The following FANCA variants were observed in gnomAD, a reference collection of about 807,000 sequenced individuals.
FANCA encodes FA complementation group A, also known as Fanconi anemia group A protein.
A neutral mutation model predicts 194.3 loss-of-function variants in FANCA; 236 were observed. The ratio of observed to expected loss-of-function variants is 1.21; its 90% CI spans 1.09 to 1.35. The LOEUF (loss-of-function observed/expected upper bound fraction) is 1.35, where lower values mean the gene tolerates loss of function less well. Ranked by LOEUF, FANCA falls within the 40% of genes most tolerant of loss-of-function variation. FANCA has a pLI of 0.00. For synonymous variants in FANCA, 1,014 were observed against 715.8 expected (o/e 1.42, Z -6.65); for missense variants, 2,628 against 1,813.9 (o/e 1.45, Z -8.15).
At position 89,754,217 on chromosome 16, in the gene FANCA, G is replaced by A. The variant is rs544388790; in HGVS notation, c.2982-1995C>T. On this transcript the variant is annotated intron_variant, in intron 30 of 42. Transcript: ENST00000389301. ...AGCCTGGGTGACAGAGCGAGACTCC[G>A]TCTCAGAAAAAAAAAAACAAAACAA... Among the ~76,000 whole-genome samples the A allele has an allele frequency of 1.4e-3, 205 of 143,780 alleles. 1 individual carries two copies. The highest frequency in any genetic ancestry group is 2.3e-3 in the Non-Finnish European group (157 of 66,996). 94.3% of individuals were successfully genotyped at this position (143,780 alleles called of 152,430 possible). A position where few individuals can be genotyped will look rare whatever the true frequency, so the allele number is the denominator to read the frequency against.
intron 37 of FANCA, among the ~76,000 whole-genome samples, chr16:89,742,477 A>T (rs1358984490): frequency 1.3e-5 from 2 of 152,044 alleles, no homozygotes; most frequent in African/African-American, 4.8e-5. Context: ...TAAAAAACTG[A>T]AATTATTATT....
At chr16:89,801,746 G>C (rs1233249179) in intron 8 of FANCA, among the ~76,000 whole-genome samples, 1 of 151,864 alleles carries the variant, frequency 6.6e-6, no homozygotes, top group Non-Finnish European at 1.5e-5. Context: ...AAATTAGCTG[G>C]GCATGGTGGT....
At chr16:89,760,462 G>T (rs1361604266) in intron 29 of FANCA, among the ~76,000 whole-genome samples, 1 of 152,208 alleles carries the variant, frequency 6.6e-6, no homozygotes, top group Non-Finnish European at 1.5e-5. Flanking sequence ...GGAGCACAGG[G>T]TGGCTGTTGC....
intron 2 of FANCA, among the ~76,000 whole-genome samples, chr16:89,815,662 T>TG (rs1278657829): frequency 6.6e-6 from 1 of 151,996 alleles, no homozygotes; most frequent in Non-Finnish European, 1.5e-5. Context: ...GGCCTGTTTT[T>TG]TTGTTGTTGT....
intron 36 of FANCA, among the ~76,000 whole-genome samples, chr16:89,744,039 A>G (rs961603654): frequency 1.3e-5 from 2 of 152,026 alleles, no homozygotes; most frequent in East Asian, 2.0e-4. Context: ...CTGGGACTAC[A>G]GGCGCACACT....
At position 89,773,866 on chromosome 16, in the gene FANCA, G is replaced by A. The variant is rs575065436; in HGVS notation, c.1901-482C>T. ...CGGCTCACTGTAACCTCCGCCTCCC[G>A]GGTTCAAATCATCCTGCCTCAGCCT... On this transcript the variant is annotated intron_variant, in intron 21 of 42. Transcript: ENST00000389301. Among the ~76,000 whole-genome samples the A allele has an allele frequency of 4.6e-4, 69 of 150,360 alleles. 2 individuals are homozygous for A. The South Asian group carries it at 0.013, about 29-fold the overall frequency.
At chr16:89,745,901 A>G (rs1419584517) in intron 35 of FANCA, among the ~76,000 whole-genome samples, 1 of 152,248 alleles carries the variant, frequency 6.6e-6, no homozygotes, top group Non-Finnish European at 1.5e-5. Flanking sequence ...CGAAGAGTTC[A>G]TTTCTCACGA....
chr16:89,761,997 A>T lies in FANCA; in HGVS notation c.2804T>A (p.Leu935Gln). Residue 935 changes from leucine (L) to glutamine (Q), a missense_variant, in exon 29 of 43, where the codon CTG (leucine) becomes CAG (glutamine). Transcript: ENST00000389301. ...VHLTYQDWLHLELEIQPEADA... is the reference protein window; with the variant it reads ...VHLTYQDWLHQELEIQPEADA... ...AGCTTCAGGTTGAATTTCCAGCTCC[A>T]GGTGTAACCAGTCTTGGTAAGTTAA... is the stretch of plus-strand genomic sequence containing the variant. 1 of 1,614,042 alleles carries T rather than the reference A, an allele frequency of 6.2e-7. No individual in the cohort carries two copies. Among genetic ancestry groups the T allele is most frequent in the Non-Finnish European group, 8.5e-7 (1 of 1,179,912 alleles).
At position 89,746,886 on chromosome 16, in the gene FANCA, T is replaced by C. The variant is rs1356310587; in HGVS notation, c.3353A>G (p.Asn1118Ser). ...FFHLVNSEMR[N>S]FCSHGGALTQ... is the part of the protein sequence containing the mutation. ...CAGGGCACCTCCGTGGGAGCAGAAG[T>C]TTCTCTGCAAAAGAGTTCAAGGCAG... The change falls in exon 34 of 43, where the codon AAC (asparagine) becomes AGC (serine). Residue 1118 changes from asparagine to serine, a missense_variant. Coordinates refer to ENST00000389301, the MANE Select transcript of FANCA (RefSeq NM_000135.4). The C allele has an allele frequency of 6.4e-7, 1 of 1,555,842 alleles. No homozygotes were observed. The highest frequency in any genetic ancestry group is 8.7e-7 in the Non-Finnish European group (1 of 1,149,042).
chr16:89,758,445 G>T, intron 30 of FANCA, 132 bp downstream of exon 30: 3 of 1,007,010 alleles, frequency 3.0e-6, no homozygotes, highest in Non-Finnish European at 1.5e-6. Flanking sequence ...CTGACATTTG[G>T]GTATAGGCTG....
At chr16:89,739,584 C>T in intron 39 of FANCA, 31 bp from the exon 40 acceptor site, 2 of 1,547,750 alleles carry the variant, frequency 1.3e-6, no homozygotes, top group Non-Finnish European at 1.7e-6. Flanking sequence ...TCAGGCAACT[C>T]TGGACATCTC....
chr16:89,750,919 T>A (rs2038566658), intron 31 of FANCA, among the ~76,000 whole-genome samples: 1 of 152,166 alleles, frequency 6.6e-6, no homozygotes, highest in Non-Finnish European at 1.5e-5. Context: ...GTTAGGACAG[T>A]CTCAGTCCGG....
intron 18 of FANCA, 53 bp downstream of exon 18, chr16:89,779,816 C>T (rs1015774552): frequency 1.2e-5 from 17 of 1,454,990 alleles, no homozygotes; most frequent in East Asian, 2.3e-5. Flanking sequence ...GGCATCAGAG[C>T]GCGGTCTGCA....
chr16:89,811,193 G>C (rs1010543680), intron 3 of FANCA, 122 bp from the exon 4 acceptor site: 1 of 1,196,774 alleles, frequency 8.4e-7, no homozygotes, highest in Admixed American at 2.0e-5. Context: ...CCTTTTAAAC[G>C]GGGAGAATAG....
In FANCA at chr16:89,746,890, T is replaced by C. The variant is rs149277003; in HGVS notation, c.3349A>G (p.Arg1117Gly). ...GCACCTCCGTGGGAGCAGAAGTTTCTCTGCAAAAGAGTTCAAGGCAGGTAA... is the reference window on the plus strand; with the variant it reads ...GCACCTCCGTGGGAGCAGAAGTTTCCCTGCAAAAGAGTTCAAGGCAGGTAA... ...QFFHLVNSEM[R>G]NFCSHGGALT... The change falls in exon 34 of 43, where the codon AGA becomes GGA. Residue 1117 changes from arginine (R) to glycine (G), a missense_variant and splice_region_variant. Arg to Gly is a moderately radical substitution (Grantham distance 125). Coordinates refer to ENST00000389301, the MANE Select transcript of FANCA (RefSeq NM_000135.4). The C allele has an allele frequency of 5.9e-5, 92 of 1,555,222 alleles. No individual in the cohort carries two copies. Among genetic ancestry groups the C allele is most frequent in the Non-Finnish European group, 7.8e-5 (90 of 1,148,828 alleles).
rs754274108 is a variant in FANCA at position 89,738,843 on chromosome 16, T to G, written c.4260+39A>C. On this transcript the variant is annotated intron_variant, in intron 42 of 42. Coordinates refer to ENST00000389301, the MANE Select transcript of FANCA (RefSeq NM_000135.4). ...TGGCCCAGGCAGCTGTCAATTCTCA[T>G]GTCCCCCACATGGCCCAAGGTGGGC... 4.3e-6 allele frequency: 7 copies of G among 1,614,184 alleles called. No homozygotes were observed. In the Admixed American group the frequency reaches 8.3e-5, roughly 19 times the overall value.
chr16:89,750,729 C>T (rs977466828), intron 31 of FANCA, among the ~76,000 whole-genome samples: 2 of 152,028 alleles, frequency 1.3e-5, no homozygotes, highest in Admixed American at 6.6e-5. Flanking sequence ...GCCAAGATCC[C>T]GCCACTGCAC....
At position 89,740,324 on chromosome 16, in the gene FANCA, G is replaced by A. The variant is rs11648689; in HGVS notation, c.3829-225C>T. On this transcript the variant is annotated intron_variant, in intron 38 of 42. Transcript: ENST00000389301. ...ACCCACACCAAGGCTGCTGCACCACGTCCTCAAATAAGACATTAAAAGAAA... is the reference window on the plus strand; with the variant it reads ...ACCCACACCAAGGCTGCTGCACCACATCCTCAAATAAGACATTAAAAGAAA... 0.068 allele frequency: 38,731 copies of A among 569,576 alleles called. 1,867 individuals carry two copies. Among genetic ancestry groups the A allele is most frequent in the East Asian group, 0.16 (5,281 of 33,648 alleles). The allele number at this position is 569,576 out of a possible 1,614,324, so 35.3% of individuals were successfully genotyped here.
At chr16:89,765,430 G>A (rs1486134705) in intron 27 of FANCA, among the ~76,000 whole-genome samples, 2 of 152,266 alleles carry the variant, frequency 1.3e-5, no homozygotes, top group African/African-American at 4.8e-5. Flanking sequence ...GAGCCCCTCA[G>A]CGATCATGGC....
Sources: gnomAD v4.1 joint callset for allele counts (sites outside exome capture counted in the v4.1 genomes callset) on GRCh38, gnomAD v4.1.1 for gene constraint, MANE v1.5 for transcripts, NCBI Gene and HGNC (gene_info 2026-07-23, HGNC 2026-07-21) for gene names.